Variants in CLIC5 observed in about 807,000 individuals in gnomAD.
CLIC5 encodes the protein CLIC family member 5, also known as chloride intracellular channel protein 5.
A neutral mutation model predicts 24.7 loss-of-function variants in CLIC5; 20 were observed. The observed-to-expected ratio is 0.81, with a 90% CI of 0.57 to 1.18. The LOEUF (loss-of-function observed/expected upper bound fraction) is 1.18, where lower values mean the gene tolerates loss of function less well. Ranked by LOEUF, CLIC5 falls within the 50% of genes most tolerant of loss-of-function variation. CLIC5 has a pLI of 0.00. For synonymous variants in CLIC5, 159 were observed against 135.6 expected (o/e 1.17, Z -1.20); for missense variants, 341 against 326.1 (o/e 1.05, Z -0.35).
At chr6:46,114,302 C>T in the CLIC5 span, among the ~76,000 whole-genome samples, 1 of 152,324 alleles carries the variant, frequency 6.6e-6, no homozygotes, top group African/African-American at 2.4e-5. Context: ...TTCTCCTTTA[C>T]TGTCAGTTGA....
intron 1 of CLIC5, among the ~76,000 whole-genome samples, chr6:46,055,268 A>C (rs533700127): frequency 2.2e-4 from 33 of 152,248 alleles, no homozygotes; most frequent in Non-Finnish European, 2.8e-4. Context: ...ATGCCTGGCT[A>C]ATTTTTCTAT....
intron 4 of CLIC5, among the ~76,000 whole-genome samples, chr6:45,925,716 G>A (rs1303520118): frequency 6.6e-6 from 1 of 152,158 alleles, no homozygotes; most frequent in Non-Finnish European, 1.5e-5. Context: ...GAAAGATGAA[G>A]GACCCTAAAA....
At chr6:46,084,636 G>A (rs1248862397), upstream of CLIC5, among the ~76,000 whole-genome samples, 1 of 152,210 alleles carries the variant, frequency 6.6e-6, no homozygotes, top group Non-Finnish European at 1.5e-5. Context: ...TTTCTGCCGA[G>A]AGATCCGCTG....
chr6:45,941,645 T>C lies in CLIC5; in HGVS notation c.308A>G (p.Lys103Arg). 1 of 1,613,862 alleles carries C rather than the reference T, an allele frequency of 6.2e-7. No individual in the cohort carries two copies. Among genetic ancestry groups the C allele is most frequent in the Non-Finnish European group, 8.5e-7 (1 of 1,179,810 alleles). ...EETLTPEKYP[K>R]LAAKHRESNT... The stretch of plus-strand genomic sequence containing the variant: ...GGATTCCCGGTGTTTTGCAGCCAGT[T>C]TGGGGTACCTGGAATGGAGGATGCA... Residue 103 changes from lysine (K) to arginine (R), a missense_variant, in exon 4 of 6, where the codon AAA (lysine) becomes AGA (arginine). Transcript: ENST00000339561.
At chr6:45,935,923 CA>C (rs2127358172) in intron 4 of CLIC5, among the ~76,000 whole-genome samples, 1 of 152,020 alleles carries the variant, frequency 6.6e-6, no homozygotes, top group Admixed American at 6.5e-5. Flanking sequence ...TAACACAGAT[CA>C]CTCTTTTAAA....
intron 1 of CLIC5, among the ~76,000 whole-genome samples, chr6:45,974,085 G>C (rs1437665143): frequency 6.6e-6 from 1 of 152,170 alleles, no homozygotes; most frequent in Non-Finnish European, 1.5e-5. Flanking sequence ...AATAAGAACA[G>C]TGTGATCCCT....
chr6:45,943,555 T>C (rs1363610014), intron 3 of CLIC5, among the ~76,000 whole-genome samples: 1 of 152,236 alleles, frequency 6.6e-6, no homozygotes, highest in African/African-American at 2.4e-5. Context: ...TAGACTTAAA[T>C]TGCTATTAAC....
At chr6:45,996,738 A>G (rs1332063880) in intron 1 of CLIC5, among the ~76,000 whole-genome samples, 9 of 152,122 alleles carry the variant, frequency 5.9e-5, no homozygotes, top group Non-Finnish European at 4.4e-5. Context: ...ATGCAGCCAA[A>G]AGACACATGA....
At chr6:45,890,019 A>G (rs1339069823) in intron 6 of CLIC5, among the ~76,000 whole-genome samples, 1 of 152,206 alleles carries the variant, frequency 6.6e-6, no homozygotes, top group African/African-American at 2.4e-5. Context: ...AAGTGAAAAA[A>G]TGCAAAAAAC....
chr6:45,904,056 G>C (rs1293752948), intron 5 of CLIC5, among the ~76,000 whole-genome samples: 1 of 152,160 alleles, frequency 6.6e-6, no homozygotes, highest in Non-Finnish European at 1.5e-5. Flanking sequence ...TTTATGTTGA[G>C]AGAAACAAGA....
At chr6:45,947,735 G>A (rs1764334744) in intron 3 of CLIC5, among the ~76,000 whole-genome samples, 1 of 152,204 alleles carries the variant, frequency 6.6e-6, no homozygotes, top group African/African-American at 2.4e-5. Flanking sequence ...GAGTCCCGGG[G>A]AGGGGGATGG....
At chr6:46,097,367 C>T in the CLIC5 span, 3 of 152,208 alleles carry the variant, frequency 2.0e-5, no homozygotes, top group Admixed American at 6.5e-5. Context: ...AAAACAACAA[C>T]AATGAGGAGA....
chr6:45,894,312 G>A (rs371952679), downstream of CLIC5, among the ~76,000 whole-genome samples: 32 of 152,248 alleles, frequency 2.1e-4, no homozygotes, highest in East Asian at 7.7e-4. Context: ...CAATAGGTGC[G>A]CCTTTTGACT....
chr6:45,984,678 G>A (rs1765674395), intron 1 of CLIC5, among the ~76,000 whole-genome samples: 2 of 152,174 alleles, frequency 1.3e-5, no homozygotes, highest in African/African-American at 4.8e-5. Flanking sequence ...GCTGGGGCTA[G>A]TTACCCACAA....
chr6:46,120,803 G>A, the CLIC5 span, among the ~76,000 whole-genome samples: 55 of 152,112 alleles, frequency 3.6e-4, no homozygotes, highest in Non-Finnish European at 7.6e-4. Context: ...TTCAGTAGCC[G>A]ATTCGATCAA....
chr6:45,904,034 G>A (rs1017485848), intron 5 of CLIC5, among the ~76,000 whole-genome samples: 8 of 152,138 alleles, frequency 5.3e-5, no homozygotes, highest in African/African-American at 1.9e-4. Context: ...GGAGAGTTCT[G>A]GAGAAGTGGT....
chr6:46,035,766 G>A (rs1459257327), intron 1 of CLIC5, among the ~76,000 whole-genome samples: 1 of 151,036 alleles, frequency 6.6e-6, no homozygotes, highest in African/African-American at 2.4e-5. Context: ...TTTTTTTTAA[G>A]ATGGATTCTC....
At chr6:45,975,931 G>A (rs1050489344) in intron 1 of CLIC5, among the ~76,000 whole-genome samples, 3 of 152,182 alleles carry the variant, frequency 2.0e-5, no homozygotes, top group East Asian at 3.9e-4. Flanking sequence ...GGGCCTGAAT[G>A]TCATAAAGAG....
chr6:45,966,545 T>C (rs1048946298), intron 1 of CLIC5, among the ~76,000 whole-genome samples: 1 of 152,222 alleles, frequency 6.6e-6, no homozygotes, highest in Non-Finnish European at 1.5e-5. Flanking sequence ...ATGAGCTCCC[T>C]GACCTCACTG....
Sources: gnomAD v4.1 joint callset for allele counts (sites outside exome capture counted in the v4.1 genomes callset) on GRCh38, gnomAD v4.1.1 for gene constraint, MANE v1.5 for transcripts, NCBI Gene and HGNC (gene_info 2026-07-23, HGNC 2026-07-21) for gene names.